The following RTN4RL2 variants were observed in gnomAD, a reference collection of about 807,000 sequenced individuals.
The protein encoded by RTN4RL2 is reticulon 4 receptor like 2.
In RTN4RL2, 9 loss-of-function variants were observed where a neutral mutation model predicts 27.8. The ratio of observed to expected loss-of-function variants is 0.32; its 90% confidence interval spans 0.20 to 0.57. RTN4RL2 has a LOEUF of 0.57. Ranked by LOEUF, RTN4RL2 falls within the 20% of genes least tolerant of loss-of-function variation. RTN4RL2 has a pLI of 0.90. For missense variants in RTN4RL2, 436 were observed against 596.8 expected, an observed-to-expected ratio of 0.73 and a Z score of 2.81; for synonymous variants, 285 against 297.9, an observed-to-expected ratio of 0.96 and a Z score of 0.45.
chr11:57,468,694 T>C, intron 2 of RTN4RL2: 1 of 1,536,108 alleles, frequency 6.5e-7, no homozygotes, highest in Middle Eastern at 1.7e-4. Context: ...TTCTCTCCAA[T>C]TCACTGGGCA....
intron 2 of RTN4RL2, among the ~76,000 whole-genome samples, chr11:57,469,197 C>T (rs1003752925): frequency 1.8e-4 from 27 of 152,204 alleles, no homozygotes; most frequent in Non-Finnish European, 2.9e-4. Flanking sequence ...GCACCCACTA[C>T]GAGCTAGATG....
At position 57,476,636 on chromosome 11, in the gene RTN4RL2, C is replaced by T. The variant is rs1943598281; in HGVS notation, c.988C>T (p.His330Tyr). The change falls in exon 3 of 3, where the codon CAC becomes TAC. Residue 330 changes from histidine to tyrosine, a missense_variant. This residue lies in a region of RTN4RL2 where 365 missense variants were observed against 530.5 expected (regional missense o/e 0.69). Coordinates refer to ENST00000335099, the MANE Select transcript of RTN4RL2 (RefSeq NM_178570.3). This position sits in a 1 kb window ranked among gnomAD's most constrained non-coding sequence, Gnocchi z 8.2. ...SRARGNSSSN[H>Y]LYGVAEAGAP... ...CGCCCGCGGCAACAGCTCCTCCAAC[C>T]ACCTGTACGGGGTGGCCGAGGCCGG... The T allele has an allele frequency of 2.1e-6, 3 of 1,417,012 alleles. No individual in the cohort carries two copies. Among genetic ancestry groups the T allele is most frequent in the Non-Finnish European group, 2.7e-6 (3 of 1,095,550 alleles). The allele number at this position is 1,417,012 out of a possible 1,614,324, so 87.8% of individuals were successfully genotyped here. A position where few individuals can be genotyped will look rare whatever the true frequency, so the allele number is the denominator to read the frequency against.
rs201058408 is a variant in RTN4RL2, at chr11:57,469,462, T to TA, written c.513+1373dup. Reference sequence around the variant, plus strand: ...ACAAGCGTGTGACATTTTTTTTTTTTACCTCCTCAGACCTCAGTTTTCTCA... The same window carrying TA: ...ACAAGCGTGTGACATTTTTTTTTTTTAACCTCCTCAGACCTCAGTTTTCTCA... On this transcript the variant is annotated intron_variant, in intron 2 of 2. Transcript: ENST00000335099. Among the ~76,000 whole-genome samples, 35 of 152,132 alleles carry TA rather than the reference T, an allele frequency of 2.3e-4. 1 individual carries two copies. In the South Asian group the frequency reaches 2.9e-3, roughly 13 times the overall value.
In RTN4RL2 at chr11:57,477,207, C is replaced by A; in HGVS notation, c.*296C>A. ...TGGGGCCCCCCAGGCAGCCGCTGAC[C>A]CGCACTCCTAAGGGCCCACAGCGGA... On this transcript the variant is annotated 3_prime_UTR_variant, in exon 3 of 3. Transcript: ENST00000335099. 2.8e-6 allele frequency: 1 copy of A among 362,500 alleles called. No individual in the cohort carries two copies. The highest frequency in any genetic ancestry group is 4.9e-6 in the Non-Finnish European group (1 of 202,134). 22.5% of individuals were successfully genotyped at this position (362,500 alleles called of 1,614,324 possible).
rs746553267 is a variant in RTN4RL2, at chr11:57,467,897, C to T, written c.320C>T (p.Ala107Val). The T allele has an allele frequency of 1.9e-6, 3 of 1,614,106 alleles. No homozygotes were observed. The highest frequency in any genetic ancestry group is 2.5e-6 in the Non-Finnish European group (3 of 1,179,970). ...CCGGGCACTTTCCGCCACTTGCAAG[C>T]CCTGGAGGAGCTGGACCTCGGTGAC... ...IYPGTFRHLQ[A>V]LEELDLGDNR... The change falls in exon 2 of 3, where the codon GCC becomes GTC. Residue 107 changes from alanine to valine, a missense_variant. Coordinates refer to ENST00000335099, the MANE Select transcript of RTN4RL2 (RefSeq NM_178570.3). The surrounding 1 kb of genome is among the most constrained non-coding windows in gnomAD (Gnocchi z 5.5).
rs766606888 is a variant in RTN4RL2, at chr11:57,476,837, C to A, written c.1189C>A (p.Arg397=). The change falls in exon 3 of 3, where the codon CGA becomes AGA. Residue 397 remains arginine, a synonymous_variant. Coordinates refer to ENST00000335099, the MANE Select transcript of RTN4RL2 (RefSeq NM_178570.3). This position sits in a 1 kb window ranked among gnomAD's most constrained non-coding sequence, Gnocchi z 8.2. ...TGCCTGCCAGGCGCCCCCGGACTCC[C>A]GAGGCCCTGCGCTCTCGGCCGGGCT... is the stretch of plus-strand genomic sequence containing the variant. The part of the protein sequence containing the change: ...GAACQAPPDS[R]GPALSAGLPS... The A allele has an allele frequency of 4.5e-6, 7 of 1,568,916 alleles. No homozygotes were observed. The South Asian group carries it at 7.9e-5, about 18-fold the overall frequency.
intron 2 of RTN4RL2, among the ~76,000 whole-genome samples, chr11:57,473,554 C>G (rs1165031612): frequency 7.6e-6 from 1 of 131,548 alleles, no homozygotes; most frequent in African/African-American, 3.0e-5. Flanking sequence ...AGCAGAGGCT[C>G]TCAGCCCAGA....
intron 1 of RTN4RL2, among the ~76,000 whole-genome samples, chr11:57,461,560 T>G: frequency 6.8e-6 from 1 of 147,778 alleles, no homozygotes; most frequent in Non-Finnish European, 1.5e-5. Context: ...GGAATAAAGG[T>G]TAGATGGGAA....
At chr11:57,474,792 C>A (rs1943586835) in intron 2 of RTN4RL2, among the ~76,000 whole-genome samples, 1 of 152,200 alleles carries the variant, frequency 6.6e-6, no homozygotes, top group Non-Finnish European at 1.5e-5. Flanking sequence ...GTCCAGGAAT[C>A]CCCACTGGCC....
In RTN4RL2 at chr11:57,476,766, G is replaced by A; in HGVS notation, c.1118G>A (p.Gly373Asp). 2.7e-6 allele frequency: 4 copies of A among 1,476,198 alleles called. No individual in the cohort carries two copies. The highest frequency in any genetic ancestry group is 3.6e-6 in the Non-Finnish European group (4 of 1,120,974). The allele number at this position is 1,476,198 out of a possible 1,614,324, so 91.4% of individuals were successfully genotyped here. The change falls in exon 3 of 3, where the codon GGC (glycine) becomes GAC (aspartate). Residue 373 changes from glycine (G) to aspartate (D), a missense_variant. Physicochemically the swap from Gly to Asp is moderately conservative, Grantham distance 94. This residue lies in a region of RTN4RL2 where 60 missense variants were observed against 43.0 expected (regional missense o/e 1.40). Coordinates refer to ENST00000335099, the MANE Select transcript of RTN4RL2 (RefSeq NM_178570.3). This position sits in a 1 kb window ranked among gnomAD's most constrained non-coding sequence, Gnocchi z 8.2. Reference protein sequence around the residue: ...DAPTEDDYWGGYGGEDQRGEQ... With the variant: ...DAPTEDDYWGDYGGEDQRGEQ... ...CCTACTGAGGACGACTACTGGGGGGGCTACGGGGGTGAGGACCAGCGAGGG... is the reference window on the plus strand; with the variant it reads ...CCTACTGAGGACGACTACTGGGGGGACTACGGGGGTGAGGACCAGCGAGGG...
chr11:57,467,486 T>C lies in RTN4RL2; in HGVS notation c.32-123T>C. Reference sequence around the variant, plus strand: ...GCCTTGGCCTCCCAAAGTGCTGGGATTACAGGTGTGAGCCACCATATTCAG... The same window carrying C: ...GCCTTGGCCTCCCAAAGTGCTGGGACTACAGGTGTGAGCCACCATATTCAG... On this transcript the variant is annotated intron_variant, in intron 1 of 2. Coordinates refer to ENST00000335099, the MANE Select transcript of RTN4RL2 (RefSeq NM_178570.3). This position sits in a 1 kb window ranked among gnomAD's most constrained non-coding sequence, Gnocchi z 5.5. 6.7e-7 allele frequency: 1 copy of C among 1,493,258 alleles called. No individual in the cohort carries two copies. Among genetic ancestry groups the C allele is most frequent in the Middle Eastern group, 1.8e-4 (1 of 5,408 alleles). 92.5% of individuals were successfully genotyped at this position (1,493,258 alleles called of 1,614,324 possible).
chr11:57,475,083 T>C (rs1416024060), intron 2 of RTN4RL2, among the ~76,000 whole-genome samples: 1 of 152,200 alleles, frequency 6.6e-6, no homozygotes, highest in Non-Finnish European at 1.5e-5. Context: ...ACCCAATTGT[T>C]ACTGAGCCCC....
chr11:57,474,567 C>G (rs1193867065), intron 2 of RTN4RL2, among the ~76,000 whole-genome samples: 1 of 152,178 alleles, frequency 6.6e-6, no homozygotes, highest in Non-Finnish European at 1.5e-5. Flanking sequence ...CCTCCTGGAA[C>G]CTGCTGACCA....
In RTN4RL2 at chr11:57,472,034, T is replaced by C. The variant is rs555385303; in HGVS notation, c.513+3944T>C. 1.2e-3 allele frequency among the ~76,000 whole-genome samples: 184 copies of C among 152,156 alleles called. 1 individual carries two copies. The highest frequency in any genetic ancestry group is 3.3e-3 in the African/African-American group (136 of 41,498). On this transcript the variant is annotated intron_variant, in intron 2 of 2. Coordinates refer to ENST00000335099, the MANE Select transcript of RTN4RL2 (RefSeq NM_178570.3). ...CTACCATGCCTGGCTAATTTTTGTA[T>C]TTTTAGTAGAGACGGGGTTTCACCA...
chr11:57,469,059 C>T (rs995218277), intron 2 of RTN4RL2, among the ~76,000 whole-genome samples: 10 of 152,134 alleles, frequency 6.6e-5, no homozygotes, highest in African/African-American at 1.4e-4. Context: ...GAACCTGGAA[C>T]GTGCTTCCTC....
At chr11:57,472,458 GC>G (rs1377731916) in intron 2 of RTN4RL2, among the ~76,000 whole-genome samples, 1 of 151,864 alleles carries the variant, frequency 6.6e-6, no homozygotes, top group Non-Finnish European at 1.5e-5. Context: ...CAATCCACCC[GC>G]CTCGGCCTCC....
intron 1 of RTN4RL2, 148 bp downstream of exon 1, chr11:57,461,044 G>A: frequency 6.4e-6 from 3 of 467,762 alleles, no homozygotes; most frequent in Non-Finnish European, 1.1e-5. Flanking sequence ...CGCCCCCGCC[G>A]CCAGGGCTGT....
chr11:57,469,416 T>C (rs1943548253), intron 2 of RTN4RL2, among the ~76,000 whole-genome samples: 1 of 152,178 alleles, frequency 6.6e-6, no homozygotes, highest in Non-Finnish European at 1.5e-5. Flanking sequence ...AAGCACTTTA[T>C]AGGTATCCAC....
At chr11:57,465,059 G>A (rs1323511776) in intron 1 of RTN4RL2, among the ~76,000 whole-genome samples, 6 of 152,074 alleles carry the variant, frequency 3.9e-5, no homozygotes, top group Non-Finnish European at 5.9e-5. Flanking sequence ...CCGACGCAGC[G>A]CCAGGAGGGG....
Sources: allele counts gnomAD v4.1 joint callset (sites outside exome capture counted in the v4.1 genomes callset), GRCh38; gene constraint gnomAD v4.1.1; regional missense constraint gnomAD v4.1.1; non-coding constraint Gnocchi (gnomAD v3.1); transcripts MANE v1.5; gene names NCBI Gene and HGNC (gene_info 2026-07-23, HGNC 2026-07-21).